Variants in TEP1 observed in about 807,000 individuals in gnomAD.
TEP1 encodes telomerase associated protein 1.
TEP1 carries 241 observed loss-of-function variants against 306.3 expected under a neutral mutation model. The ratio of observed to expected loss-of-function variants is 0.79; its 90% CI spans 0.71 to 0.88. TEP1 has a LOEUF of 0.88. Ranked by LOEUF, TEP1 falls within the 40% of genes least tolerant of loss-of-function variation. The pLI, the probability that TEP1 is intolerant of heterozygous loss-of-function variation, is 0.00. For synonymous variants in TEP1, 1,289 were observed against 1,305.5 expected (o/e 0.99, Z 0.27); for missense variants, 3,051 against 3,276.1 (o/e 0.93, Z 1.68).
In TEP1 at chr14:20,380,921, C is replaced by T; in HGVS notation, c.4762+10G>A. 2 of 1,609,980 alleles carry T rather than the reference C, an allele frequency of 1.2e-6. No homozygotes were observed. The highest frequency in any genetic ancestry group is 1.1e-5 in the South Asian group (1 of 90,992). On this transcript the variant is annotated intron_variant, in intron 33 of 54. Transcript: ENST00000262715. ...TCTCAGAGAAGAACCCAGCCAGTGA[C>T]TCATCTCACCATAGAGGGCATGGGC...
In TEP1 at chr14:20,386,629, G is replaced by A. The variant is rs373900934; in HGVS notation, c.2685-6C>T. 1.0e-4 allele frequency: 159 copies of A among 1,586,758 alleles called. No homozygotes were observed. The highest frequency in any genetic ancestry group is 1.3e-4 in the Non-Finnish European group (154 of 1,163,860). The stretch of plus-strand genomic sequence containing the variant: ...AAAGCCGGATGCTGCGCCATCTGGG[G>A]ATAAGCAGAGAGCTGGGCTCAGTCT... On this transcript the variant is annotated splice_polypyrimidine_tract_variant and splice_region_variant and intron_variant, in intron 18 of 54. Coordinates refer to ENST00000262715, the MANE Select transcript of TEP1 (RefSeq NM_007110.5).
chr14:20,392,238 A>G (rs1877789438), intron 12 of TEP1, among the ~76,000 whole-genome samples: 1 of 152,236 alleles, frequency 6.6e-6, no homozygotes, highest in African/African-American at 2.4e-5. Flanking sequence ...AATTCCAGTT[A>G]AAAAATATGC....
At chr14:20,403,696 G>T (rs1878941401) in intron 6 of TEP1, 27 bp downstream of exon 6, 1 of 1,612,606 alleles carries the variant, frequency 6.2e-7, no homozygotes, top group South Asian at 1.1e-5. Flanking sequence ...AAAGGGGCGT[G>T]GGTCGAGGGC....
chr14:20,395,295 G>A (rs1878103134), intron 12 of TEP1, among the ~76,000 whole-genome samples, 155 bp downstream of exon 12: 3 of 152,176 alleles, frequency 2.0e-5, no homozygotes, highest in Admixed American at 1.3e-4. Context: ...TTAAAGACAA[G>A]GTGTGCTGTG....
intron 48 of TEP1, 59 bp from the exon 49 acceptor site, chr14:20,372,916 T>C (rs1346178308): frequency 6.2e-7 from 1 of 1,613,190 alleles, no homozygotes; most frequent in African/African-American, 1.3e-5. Context: ...CACCATCTTT[T>C]CCCTCCCAGG....
intron 1 of TEP1, among the ~76,000 whole-genome samples, chr14:20,409,850 C>T (rs1342713836): frequency 6.6e-6 from 1 of 151,712 alleles, no homozygotes; most frequent in Non-Finnish European, 1.5e-5. Flanking sequence ...GAAACCCCAT[C>T]TCTACTAAAA....
At position 20,366,502 on chromosome 14, in the gene TEP1, G is replaced by A. The variant is rs1884480757; in HGVS notation, c.*1935C>T. On this transcript the variant is annotated 3_prime_UTR_variant, in exon 55 of 55. Transcript: ENST00000262715. ...AATGATGGTCCAGAAGGTATATTTC[G>A]AGGCTTGGCATGAGGCACATAAGAG... The A allele has an allele frequency of 1.3e-5, 2 of 152,170 alleles. No homozygotes were observed. The highest frequency in any genetic ancestry group is 2.1e-4 in the South Asian group (1 of 4,826). 9.4% of individuals were successfully genotyped at this position (152,170 alleles called of 1,614,324 possible).
rs1003017177 is a variant in TEP1, at chr14:20,399,515, CT to C, written c.1549+1468del. Among the ~76,000 whole-genome samples the C allele has an allele frequency of 1.5e-4, 22 of 148,796 alleles. No individual in the cohort carries two copies. The East Asian group carries it at 3.8e-3, about 25-fold the overall frequency. On this transcript the variant is annotated intron_variant, in intron 9 of 54. Transcript: ENST00000262715. ...TTTATCTTATATTTTATACTTATAT[CT>C]TTTTTTATATTTCCTTTTATTTATT...
At chr14:20,400,873 A>G in intron 9 of TEP1, 111 bp downstream of exon 9, 1 of 1,344,550 alleles carries the variant, frequency 7.4e-7, no homozygotes, top group Middle Eastern at 2.1e-4. Context: ...TACAACAACC[A>G]GGCAAAGTAA....
rs145204534 is a variant in TEP1 at position 20,386,512 on chromosome 14, G to C, written c.2796C>G (p.His932Gln). The C allele has an allele frequency of 2.8e-4, 449 of 1,613,016 alleles. 1 individual carries two copies. In the African/African-American group the frequency reaches 5.1e-3, roughly 18 times the overall value. The change falls in exon 19 of 55, where the codon CAC becomes CAG. Residue 932 changes from histidine (H) to glutamine (Q), a missense_variant. Transcript: ENST00000262715. Reference sequence around the variant, plus strand: ...GGTCGATTCCGTGAAGGCTGATACGGTGAGGGGCCGCTCGGGCCTGCAGTG... The same window carrying C: ...GGTCGATTCCGTGAAGGCTGATACGCTGAGGGGCCGCTCGGGCCTGCAGTG... ...LPALQARAAP[H>Q]RISLHGIDLR... is the part of the protein sequence containing the mutation.
chr14:20,403,357 C>T lies in TEP1; in HGVS notation c.1266+20G>A. 1.2e-6 allele frequency: 2 copies of T among 1,613,684 alleles called. No homozygotes were observed. The highest frequency in any genetic ancestry group is 1.7e-6 in the Non-Finnish European group (2 of 1,179,898). ...AGAGATTGTACATGCACATATACAA[C>T]CCCAGAAGAAGGGACTCACCTTTCT... is the stretch of plus-strand genomic sequence containing the variant. On this transcript the variant is annotated intron_variant, in intron 7 of 54. Transcript: ENST00000262715.
intron 17 of TEP1, among the ~76,000 whole-genome samples, chr14:20,388,816 G>A (rs1877436941): frequency 6.6e-6 from 1 of 152,140 alleles, no homozygotes; most frequent in East Asian, 1.9e-4. Context: ...GCTATGCCTG[G>A]ATGGCTGTAA....
Position 20,410,799 on chromosome 14 carries a change from GTGGTTTTTTTTTT to G in TEP1, c.-24-2349_-24-2337del, listed in dbSNP as rs779940079. Reference sequence around the variant, plus strand: ...CCCACTTGCTAATTGTTTCTCCTTTGTGGTTTTTTTTTTTTTTTTTTTTTTTTTGCTTTTTGTT... The same window carrying G: ...CCCACTTGCTAATTGTTTCTCCTTTGTTTTTTTTTTTTTTTGCTTTTTGTT... On this transcript the variant is annotated intron_variant, in intron 1 of 54. Coordinates refer to ENST00000262715, the MANE Select transcript of TEP1 (RefSeq NM_007110.5). Among the ~76,000 whole-genome samples the G allele has an allele frequency of 4.9e-3, 567 of 115,404 alleles. 6 individuals are homozygous for G. Among genetic ancestry groups the G allele is most frequent in the African/African-American group, 0.015 (459 of 31,282 alleles). 75.7% of individuals were successfully genotyped at this position (115,404 alleles called of 152,430 possible).
intron 39 of TEP1, 96 bp downstream of exon 39, chr14:20,377,926 CCA>C: frequency 6.6e-7 from 1 of 1,512,862 alleles, no homozygotes. Flanking sequence ...CCAAGCTCCT[CCA>C]CAGTCTCCTC....
chr14:20,371,148 G>A (rs528845054), intron 51 of TEP1, 70 bp downstream of exon 51: 117 of 1,350,520 alleles, frequency 8.7e-5, no homozygotes, highest in African/African-American at 6.5e-4. Flanking sequence ...CCTCCATGAC[G>A]GGCCCCAAGG....
Position 20,401,085 on chromosome 14 carries a change from G to A in TEP1, c.1448C>T (p.Ser483Phe), listed in dbSNP as rs1285616706. The A allele has an allele frequency of 2.5e-6, 4 of 1,614,210 alleles. No homozygotes were observed. The East Asian group carries it at 6.7e-5, about 27-fold the overall frequency. The change falls in exon 9 of 55, where the codon TCT becomes TTT. Residue 483 changes from serine to phenylalanine, a missense_variant. By Grantham distance (155) the Ser-to-Phe change is radical. This residue lies in a region of TEP1 where 1,507 missense variants were observed against 1,550.5 expected (regional missense o/e 0.97). Coordinates refer to ENST00000262715, the MANE Select transcript of TEP1 (RefSeq NM_007110.5). ...SRSRLPGPWD[S>F]SRAGKRMKLS... The stretch of plus-strand genomic sequence containing the variant: ...CTTCATCCTCTTCCCAGCTCTGCTA[G>A]AATCCCAAGGCCCAGGAAGGCGACT...
intron 17 of TEP1, 63 bp from the exon 18 acceptor site, chr14:20,388,126 C>T (rs377401044): frequency 1.7e-5 from 27 of 1,575,920 alleles, no homozygotes; most frequent in East Asian, 6.8e-5. Flanking sequence ...TGAGGTCTTC[C>T]GAAAAGGGCA....
At chr14:20,395,826 G>A (rs375813886) in intron 11 of TEP1, 33 bp downstream of exon 11, 4 of 1,595,232 alleles carry the variant, frequency 2.5e-6, no homozygotes, top group Non-Finnish European at 3.4e-6. Flanking sequence ...AGATGTGGGA[G>A]GCAAAGAGGA....
At position 20,405,691 on chromosome 14, in the gene TEP1, G is replaced by A. The variant is rs909162445; in HGVS notation, c.736-106C>T. On this transcript the variant is annotated intron_variant, in intron 3 of 54. Coordinates refer to ENST00000262715, the MANE Select transcript of TEP1 (RefSeq NM_007110.5). Reference sequence around the variant, plus strand: ...AGTCAAGGACAGAGAGAATGGACCCGAGATGTGGAGTCCAGTTGAGAACTT... The same window carrying A: ...AGTCAAGGACAGAGAGAATGGACCCAAGATGTGGAGTCCAGTTGAGAACTT... The A allele has an allele frequency of 2.2e-5, 29 of 1,308,042 alleles. No individual in the cohort carries two copies. In the East Asian group the frequency reaches 6.0e-4, roughly 27 times the overall value. The allele number at this position is 1,308,042 out of a possible 1,614,324, so 81.0% of individuals were successfully genotyped here. A position where few individuals can be genotyped will look rare whatever the true frequency, so the allele number is the denominator to read the frequency against.
Sources: gnomAD v4.1 joint callset for allele counts (sites outside exome capture counted in the v4.1 genomes callset) on GRCh38, gnomAD v4.1.1 for gene constraint, gnomAD v4.1.1 regional missense constraint, MANE v1.5 for transcripts, NCBI Gene and HGNC (gene_info 2026-07-23, HGNC 2026-07-21) for gene names.